Variants in WDFY3 observed in about 807,000 individuals in gnomAD.
WDFY3 encodes WD repeat and FYVE domain containing 3.
WDFY3 carries 66 observed loss-of-function variants against 409.6 expected under a neutral mutation model. The ratio of observed to expected loss-of-function variants is 0.16; its 90% CI spans 0.13 to 0.20. The LOEUF is 0.20. WDFY3 is among the 10% of genes least tolerant of loss of function. The probability of loss-of-function intolerance (pLI) is 1.00; values close to 1 mark genes in which losing one functional copy is unlikely to be tolerated. For missense variants in WDFY3, 3,031 were observed against 4,298.1 expected (o/e 0.71, Z 8.24); for synonymous variants, 1,521 against 1,537.1 (o/e 0.99, Z 0.25).
intron 1 of WDFY3, among the ~76,000 whole-genome samples, chr4:84,953,529 GAATATCTTA>G (rs909568829): frequency 5.9e-5 from 9 of 151,886 alleles, no homozygotes; most frequent in African/African-American, 2.2e-4. Context: ...AACATCATGT[GAATATCTTA>G]AATATACACA....
chr4:84,713,470 A>G (rs1733289644), intron 50 of WDFY3, among the ~76,000 whole-genome samples: 1 of 152,218 alleles, frequency 6.6e-6, no homozygotes, highest in East Asian at 1.9e-4. Flanking sequence ...CAGATAAGTA[A>G]AAGTGAATCT....
rs367762554 is a variant in WDFY3, at chr4:84,724,520, G to A, written c.7347C>T (p.Pro2449=). ...CCACAATGGCGTCTTGGACAATGGC[G>A]GGATTGCCAGAGGCCAGTCGCATGT... The part of the protein sequence containing the change: ...EYYMRLASGN[P]AIVQDAIVES... The change falls in exon 46 of 68, where the codon CCC becomes CCT. Residue 2449 remains proline, a synonymous_variant. Transcript: ENST00000295888. The A allele has an allele frequency of 6.3e-5, 101 of 1,613,952 alleles. No homozygotes were observed. Among genetic ancestry groups the A allele is most frequent in the Admixed American group, 3.3e-4 (20 of 59,992 alleles).
chr4:84,896,885 C>T (rs1765711898), intron 3 of WDFY3, 26 bp downstream of exon 3: 1 of 152,046 alleles, frequency 6.6e-6, no homozygotes, highest in African/African-American at 2.4e-5. Flanking sequence ...AACAAAAACC[C>T]ACAATTTTTC....
intron 2 of WDFY3, among the ~76,000 whole-genome samples, chr4:84,914,662 G>A (rs1256843674): frequency 1.3e-5 from 2 of 152,074 alleles, no homozygotes; most frequent in African/African-American, 2.4e-5. Flanking sequence ...TATTATGATG[G>A]CTACTTTCCA....
chr4:84,885,010 T>C (rs988320829), intron 3 of WDFY3, among the ~76,000 whole-genome samples: 1 of 152,166 alleles, frequency 6.6e-6, no homozygotes, highest in African/African-American at 2.4e-5. Flanking sequence ...GTTGTTGTTG[T>C]TGTTGTCTGA....
At chr4:84,951,063 A>G (rs1773547743) in intron 1 of WDFY3, among the ~76,000 whole-genome samples, 1 of 152,214 alleles carries the variant, frequency 6.6e-6, no homozygotes, top group South Asian at 2.1e-4. Context: ...GATTAATTTC[A>G]TGTACTCTTT....
At chr4:84,914,316 G>A (rs1768178506) in intron 2 of WDFY3, among the ~76,000 whole-genome samples, 1 of 152,076 alleles carries the variant, frequency 6.6e-6, no homozygotes, top group Non-Finnish European at 1.5e-5. Flanking sequence ...AGCTACTCAA[G>A]AAGCTGAGGC....
intron 12 of WDFY3, among the ~76,000 whole-genome samples, chr4:84,818,161 T>C (rs751312873): frequency 3.9e-5 from 6 of 152,224 alleles, no homozygotes; most frequent in East Asian, 1.9e-4. Context: ...CCCTACCATA[T>C]AGAGGTAAGG....
intron 12 of WDFY3, among the ~76,000 whole-genome samples, chr4:84,817,800 G>A (rs770495114): frequency 1.2e-4 from 19 of 152,116 alleles, no homozygotes; most frequent in Non-Finnish European, 2.2e-4. Context: ...TTTCCTTAAT[G>A]CAAGATTAAT....
At chr4:84,921,944 C>T (rs1001713774) in intron 2 of WDFY3, among the ~76,000 whole-genome samples, 1 of 151,768 alleles carries the variant, frequency 6.6e-6, no homozygotes, top group African/African-American at 2.4e-5. Flanking sequence ...CATGAGCCAC[C>T]GCACCTGGCC....
chr4:84,953,794 TTA>T, intron 1 of WDFY3, among the ~76,000 whole-genome samples: 1 of 152,282 alleles, frequency 6.6e-6, no homozygotes, highest in East Asian at 1.9e-4. Context: ...TCTATCAATT[TTA>T]TATGTCCTAT....
chr4:84,769,223 G>T (rs1744201570), intron 30 of WDFY3, among the ~76,000 whole-genome samples: 1 of 152,060 alleles, frequency 6.6e-6, no homozygotes, highest in Non-Finnish European at 1.5e-5. Context: ...TAACAACAAA[G>T]GACTCAGAAT....
At chr4:84,783,763 C>T (rs1436600117) in intron 24 of WDFY3, among the ~76,000 whole-genome samples, 4 of 152,180 alleles carry the variant, frequency 2.6e-5, no homozygotes, top group African/African-American at 7.2e-5. Context: ...TTCACACATA[C>T]ACAAGATCTA....
At position 84,669,796 on chromosome 4, in the gene WDFY3, G is replaced by T. The variant is rs1197283461; in HGVS notation, c.*3072C>A. 2 of 149,896 alleles carry T rather than the reference G, an allele frequency of 1.3e-5. No individual in the cohort carries two copies. Among genetic ancestry groups the T allele is most frequent in the African/African-American group, 2.5e-5 (1 of 40,480 alleles). 9.3% of individuals were successfully genotyped at this position (149,896 alleles called of 1,614,324 possible). On this transcript the variant is annotated 3_prime_UTR_variant, in exon 68 of 68. Coordinates refer to ENST00000295888, the MANE Select transcript of WDFY3 (RefSeq NM_014991.6). Reference sequence around the variant, plus strand: ...AAAGTCCACAATCAATCCAGTCTTAGCCAGTATCTTCAATTTACTTCTGTT... The same window carrying T: ...AAAGTCCACAATCAATCCAGTCTTATCCAGTATCTTCAATTTACTTCTGTT...
At chr4:84,964,163 T>C (rs1175444733) in intron 1 of WDFY3, among the ~76,000 whole-genome samples, 5 of 152,178 alleles carry the variant, frequency 3.3e-5, no homozygotes, top group African/African-American at 1.2e-4. Context: ...CCCTCAGAAG[T>C]ATATGCATGA....
intron 3 of WDFY3, among the ~76,000 whole-genome samples, chr4:84,862,817 C>T (rs1308171339): frequency 6.6e-6 from 1 of 152,150 alleles, no homozygotes; most frequent in African/African-American, 2.4e-5. Context: ...GAAACCCCGT[C>T]TCTACTAAAA....
chr4:84,726,056 T>C (rs1421898219), intron 45 of WDFY3, among the ~76,000 whole-genome samples: 1 of 152,148 alleles, frequency 6.6e-6, no homozygotes, highest in Non-Finnish European at 1.5e-5. Flanking sequence ...CACTGCACTA[T>C]TTTTGAAACT....
intron 15 of WDFY3, among the ~76,000 whole-genome samples, chr4:84,807,275 A>T (rs1365935326): frequency 6.6e-6 from 1 of 152,178 alleles, no homozygotes; most frequent in Non-Finnish European, 1.5e-5. Context: ...TTTAAGCACA[A>T]ATATACTGAA....
At chr4:84,833,693 G>GAAAAGAAAAGAA (rs1560879195) in intron 7 of WDFY3, among the ~76,000 whole-genome samples, 263 of 122,080 alleles carry the variant, frequency 2.2e-3, no homozygotes, top group African/African-American at 7.6e-3. Flanking sequence ...AAAGAAAAGA[G>GAAAAGAAAAGAA]AAGAGAAGAG....
Sources: allele counts gnomAD v4.1 joint callset (sites outside exome capture counted in the v4.1 genomes callset), GRCh38; gene constraint gnomAD v4.1.1; transcripts MANE v1.5; gene names NCBI Gene and HGNC (gene_info 2026-07-23, HGNC 2026-07-21).